Variants in AGAP2 observed in about 807,000 individuals in gnomAD.
The protein encoded by AGAP2 is ArfGAP with GTPase domain, ankyrin repeat and PH domain 2, also known as arf-GAP with GTPase, ANK repeat and PH domain-containing protein 2.
AGAP2 carries 32 observed loss-of-function variants against 110.9 expected under a neutral mutation model. That is an observed-to-expected ratio of 0.29 (90% CI 0.22 to 0.39). The LOEUF (loss-of-function observed/expected upper bound fraction) is 0.39, where lower values mean the gene tolerates loss of function less well. Ranked by LOEUF, AGAP2 falls within the 10% of genes least tolerant of loss-of-function variation. The pLI, the probability that AGAP2 is intolerant of heterozygous loss-of-function variation, is 1.00. For missense variants in AGAP2, 1,285 were observed against 1,638.5 expected (o/e 0.78, Z 3.72); for synonymous variants, 702 against 713.0 (o/e 0.98, Z 0.25).
upstream of AGAP2, chr12:57,742,047 C>T: frequency 6.2e-7 from 1 of 1,614,144 alleles, no homozygotes; most frequent in South Asian, 1.1e-5. Context: ...ACTGCAGCTA[C>T]AACGAACTGC....
intron 6 of AGAP2, 92 bp downstream of exon 6, chr12:57,732,753 C>T: frequency 1.9e-6 from 3 of 1,572,136 alleles, no homozygotes; most frequent in South Asian, 2.3e-5. Context: ...TTTCCTGTCA[C>T]TCACAGAGAG....
At chr12:57,736,423 G>A (rs1954983075) in intron 1 of AGAP2, among the ~76,000 whole-genome samples, 1 of 152,214 alleles carries the variant, frequency 6.6e-6, no homozygotes, top group African/African-American at 2.4e-5. Flanking sequence ...TCACTCCAGG[G>A]TCAGCCCCGG....
chr12:57,731,728 A>G, intron 8 of AGAP2, 81 bp downstream of exon 8: 1 of 1,593,492 alleles, frequency 6.3e-7, no homozygotes, highest in African/African-American at 1.3e-5. Context: ...GAAGGGCCCA[A>G]CAGAGGAGTC....
chr12:57,732,528 G>A lies in AGAP2; in HGVS notation c.1685-16C>T, dbSNP rs113333799. On this transcript the variant is annotated splice_polypyrimidine_tract_variant and intron_variant, in intron 6 of 18. Transcript: ENST00000547588. ...TTCTGGGCCACTGAGGGGAGTTGACGGAAGGAGGTGTGAGCAGGCCAGATA... is the reference window on the plus strand; with the variant it reads ...TTCTGGGCCACTGAGGGGAGTTGACAGAAGGAGGTGTGAGCAGGCCAGATA... 2.2e-4 allele frequency: 341 copies of A among 1,571,222 alleles called. 2 individuals carry two copies. In the African/African-American group the frequency reaches 3.9e-3, roughly 18 times the overall value.
In AGAP2 at chr12:57,737,856, G is replaced by A. The variant is rs1311964959; in HGVS notation, c.391C>T (p.Pro131Ser). The A allele has an allele frequency of 6.9e-7, 1 of 1,455,586 alleles. No homozygotes were observed. The highest frequency in any genetic ancestry group is 2.7e-5 in the East Asian group (1 of 37,490). The allele number at this position is 1,455,586 out of a possible 1,614,324, so 90.2% of individuals were successfully genotyped here. A position where few individuals can be genotyped will look rare whatever the true frequency, so the allele number is the denominator to read the frequency against. Residue 131 changes from proline (P) to serine (S), a missense_variant, in exon 1 of 19, where the codon CCC becomes TCC. This residue lies in a region of AGAP2 where 844 missense variants were observed against 941.2 expected (regional missense o/e 0.90). Coordinates refer to ENST00000547588, the MANE Select transcript of AGAP2 (RefSeq NM_001122772.3). The surrounding 1 kb of genome is among the most constrained non-coding windows in gnomAD (Gnocchi z 5.9). ...GAGGTGGGGGCGCCCCCAGGCTTGG[G>A]GTCGGGGCTCAGTCCCCCGGAGAGC... ...PPLSGGLSPD[P>S]KPGGAPTSSR...
In AGAP2 at chr12:57,728,376, G is replaced by T. The variant is rs1284487025; in HGVS notation, c.2559C>A (p.Ala853=). The change falls in exon 14 of 19, where the codon GCC becomes GCA. Residue 853 remains alanine, a splice_region_variant and synonymous_variant. Coordinates refer to ENST00000547588, the MANE Select transcript of AGAP2 (RefSeq NM_001122772.3). ...ATTTTAGTTTCCACATTTTGCGCTTGGCTGGTTTCCCGAAGCGAAGGAGAT... is the reference window on the plus strand; with the variant it reads ...ATTTTAGTTTCCACATTTTGCGCTTTGCTGGTTTCCCGAAGCGAAGGAGAT... The part of the protein sequence containing the change: ...KTEGSAGQAE[A]KRKMWKLKSF... The T allele has an allele frequency of 1.3e-5, 21 of 1,613,916 alleles. No individual in the cohort carries two copies. The highest frequency in any genetic ancestry group is 1.8e-5 in the Non-Finnish European group (21 of 1,179,858).
In AGAP2 at chr12:57,738,427, T is replaced by A; in HGVS notation, c.-181A>T. ...CCGCTTGCGCCCCCCTCCCATCACA[T>A]GGGGCGCCCCCTCCCCATGCTCCCC... On this transcript the variant is annotated 5_prime_UTR_variant, in exon 1 of 19. It removes an upstream start codon present in the reference 5' UTR. Transcript: ENST00000547588. This position sits in a 1 kb window ranked among gnomAD's most constrained non-coding sequence, Gnocchi z 6.7. 1 of 532,108 alleles carries A rather than the reference T, an allele frequency of 1.9e-6. No individual in the cohort carries two copies. Among genetic ancestry groups the A allele is most frequent in the Non-Finnish European group, 2.4e-6 (1 of 415,828 alleles). 33.0% of individuals were successfully genotyped at this position (532,108 alleles called of 1,614,324 possible). A position where few individuals can be genotyped will look rare whatever the true frequency, so the allele number is the denominator to read the frequency against.
In AGAP2 at chr12:57,726,427, T is replaced by C. The variant is rs1209387877; in HGVS notation, c.*125A>G. ...CGTGGGGGCTGTGCCCTCGTGGGGG[T>C]AGGAAGTGCTCCCGTGGGGCGGGGT... is the stretch of plus-strand genomic sequence containing the variant. On this transcript the variant is annotated 3_prime_UTR_variant, in exon 19 of 19. Coordinates refer to ENST00000547588, the MANE Select transcript of AGAP2 (RefSeq NM_001122772.3). This position sits in a 1 kb window ranked among gnomAD's most constrained non-coding sequence, Gnocchi z 5.7. The C allele has an allele frequency of 4.1e-6, 4 of 973,932 alleles. No individual in the cohort carries two copies. Among genetic ancestry groups the C allele is most frequent in the Admixed American group, 1.0e-4 (2 of 19,880 alleles). The allele number at this position is 973,932 out of a possible 1,614,324, so 60.3% of individuals were successfully genotyped here.
rs753412541 is a variant in AGAP2, at chr12:57,727,472, C to T, written c.2968G>A (p.Asp990Asn). 3.1e-6 allele frequency: 5 copies of T among 1,613,434 alleles called. No individual in the cohort carries two copies. The African/African-American group carries it at 4.0e-5, about 13-fold the overall frequency. ...ACCAGGGTCAGCTCCCGTGGCCAGTCGTCCAAGTCCAGCGAGCGAACGCGG... is the reference window on the plus strand; with the variant it reads ...ACCAGGGTCAGCTCCCGTGGCCAGTTGTCCAAGTCCAGCGAGCGAACGCGG... ...LSRVRSLDLD[D>N]WPRELTLVLT... is the part of the protein sequence containing the mutation. Residue 990 changes from aspartate (D) to asparagine (N), a missense_variant, in exon 17 of 19, where the codon GAC becomes AAC. Around this residue, in one of 7 missense-constraint regions of AGAP2, gnomAD observed 17 missense variants for 56.4 expected, o/e 0.30. Transcript: ENST00000547588.
In AGAP2 at chr12:57,737,981, T is replaced by C; in HGVS notation, c.266A>G (p.Glu89Gly). 6.9e-7 allele frequency: 1 copy of C among 1,440,344 alleles called. No homozygotes were observed. The highest frequency in any genetic ancestry group is 9.1e-7 in the Non-Finnish European group (1 of 1,103,874). The allele number at this position is 1,440,344 out of a possible 1,614,324, so 89.2% of individuals were successfully genotyped here. A position where few individuals can be genotyped will look rare whatever the true frequency, so the allele number is the denominator to read the frequency against. The change falls in exon 1 of 19, where the codon GAG (glutamate) becomes GGG (glycine). Residue 89 changes from glutamate to glycine, a missense_variant. Glu to Gly is a moderately conservative substitution (Grantham distance 98). Around this residue, in one of 7 missense-constraint regions of AGAP2, gnomAD observed 844 missense variants for 941.2 expected, o/e 0.90. Transcript: ENST00000547588. This position sits in a 1 kb window ranked among gnomAD's most constrained non-coding sequence, Gnocchi z 5.9. The part of the protein sequence containing the change: ...STSSAGTGGA[E>G]PPALSPAPAS... ...CGGAGCCGGGGACAGGGCTGGGGGCTCCGCGCCCCCGGTGCCCGCGCTGCT... is the reference window on the plus strand; with the variant it reads ...CGGAGCCGGGGACAGGGCTGGGGGCCCCGCGCCCCCGGTGCCCGCGCTGCT...
chr12:57,730,705 C>A, intron 11 of AGAP2, 86 bp downstream of exon 11: 1 of 1,607,242 alleles, frequency 6.2e-7, no homozygotes, highest in Admixed American at 1.7e-5. Context: ...TCCTACTCGC[C>A]CAGTGCCAGC....
intron 2 of AGAP2, 50 bp downstream of exon 2, chr12:57,735,319 G>A (rs1337411093): frequency 1.7e-5 from 26 of 1,531,814 alleles, no homozygotes; most frequent in Admixed American, 5.0e-5. Context: ...TGAGAGTGCA[G>A]TGGGTGGGAG....
In AGAP2 at chr12:57,737,556, C is replaced by T; in HGVS notation, c.691G>A (p.Gly231Arg). The change falls in exon 1 of 19, where the codon GGA (glycine) becomes AGA (arginine). Residue 231 changes from glycine (G) to arginine (R), a missense_variant. Physicochemically the swap from Gly to Arg is moderately radical, Grantham distance 125. This residue lies in a region of AGAP2 where 844 missense variants were observed against 941.2 expected (regional missense o/e 0.90). Coordinates refer to ENST00000547588, the MANE Select transcript of AGAP2 (RefSeq NM_001122772.3). This position sits in a 1 kb window ranked among gnomAD's most constrained non-coding sequence, Gnocchi z 5.9. Reference sequence around the variant, plus strand: ...GTGGCGGCGGCAGAGACCGAAGCTCCAGTCCCGGCGCTGCTCTTTGACCCC... The same window carrying T: ...GTGGCGGCGGCAGAGACCGAAGCTCTAGTCCCGGCGCTGCTCTTTGACCCC... ...VKGSKSSAGT[G>R]ASVSAAATAA... 1 of 1,551,712 alleles carries T rather than the reference C, an allele frequency of 6.4e-7. No individual in the cohort carries two copies. The highest frequency in any genetic ancestry group is 8.7e-7 in the Non-Finnish European group (1 of 1,148,350).
At chr12:57,731,763 T>A in intron 8 of AGAP2, 46 bp downstream of exon 8, 1 of 1,562,568 alleles carries the variant, frequency 6.4e-7, no homozygotes, top group Non-Finnish European at 8.7e-7. Context: ...GATGGGCAGG[T>A]CATGGGGGAC....
chr12:57,729,800 C>T, intron 12 of AGAP2, 33 bp from the exon 13 acceptor site: 5 of 1,568,600 alleles, frequency 3.2e-6, no homozygotes, highest in Non-Finnish European at 4.3e-6. Flanking sequence ...CCTCAGTAGC[C>T]CCCTCCACAG....
Position 57,731,826 on chromosome 12 carries a change from T to C in AGAP2, c.1936A>G (p.Arg646Gly). 2 of 1,580,788 alleles carry C rather than the reference T, an allele frequency of 1.3e-6. No homozygotes were observed. The highest frequency in any genetic ancestry group is 1.7e-6 in the Non-Finnish European group (2 of 1,163,722). ...TCCAATACCGCAAAAAGGCTGGTCC[T>C]GCGCTTGGCTGCCCGGTGCAGGGAC... ...PGSLHRAAKR[R>G]TSLFANRRGS... is the part of the protein sequence containing the mutation. The change falls in exon 8 of 19, where the codon AGG (arginine) becomes GGG (glycine). Residue 646 changes from arginine to glycine, a missense_variant. Coordinates refer to ENST00000547588, the MANE Select transcript of AGAP2 (RefSeq NM_001122772.3).
upstream of AGAP2, chr12:57,742,111 G>C (rs766924114): frequency 6.2e-7 from 1 of 1,600,654 alleles, no homozygotes; most frequent in Non-Finnish European, 8.5e-7. Flanking sequence ...AACCACCTCT[G>C]GCCCTGAGGC....
chr12:57,741,808 G>T, upstream of AGAP2: 1 of 1,346,448 alleles, frequency 7.4e-7, no homozygotes. Context: ...CCATCTTGGG[G>T]ACTAGGAAGT....
chr12:57,735,283 G>A, intron 2 of AGAP2, 86 bp downstream of exon 2: 1 of 1,247,406 alleles, frequency 8.0e-7, no homozygotes, highest in Non-Finnish European at 1.2e-6. Context: ...GAGAGAGAGA[G>A]AGAAGGAGAG....
Sources: gnomAD v4.1 joint callset for allele counts (sites outside exome capture counted in the v4.1 genomes callset) on GRCh38, gnomAD v4.1.1 for gene constraint, gnomAD v4.1.1 regional missense constraint, Gnocchi (gnomAD v3.1) non-coding constraint, MANE v1.5 for transcripts, NCBI Gene and HGNC (gene_info 2026-07-23, HGNC 2026-07-21) for gene names.